Variants in DHX30 observed in about 807,000 individuals in gnomAD.
DHX30 encodes DExH-box helicase 30, also known as ATP-dependent RNA helicase DHX30.
Under a neutral mutation model 116.9 loss-of-function variants are expected in DHX30, and 4 were observed. The ratio of observed to expected loss-of-function variants is 0.03; its 90% CI spans 0.02 to 0.08. DHX30 has a LOEUF of 0.08. Ranked by LOEUF, DHX30 falls within the 10% of genes least tolerant of loss-of-function variation. DHX30 has a pLI of 1.00. For missense variants in DHX30, 871 were observed against 1,595.1 expected (o/e 0.55, Z 7.73); for synonymous variants, 697 against 651.7 (o/e 1.07, Z -1.06).
chr3:47,843,658 G>C (rs1169986306), intron 9 of DHX30, among the ~76,000 whole-genome samples: 1 of 152,190 alleles, frequency 6.6e-6, no homozygotes, highest in East Asian at 1.9e-4. Context: ...AGTGATGATT[G>C]AGGAAGCAGT....
chr3:47,849,033 C>T lies in DHX30; in HGVS notation c.2883C>T (p.Tyr961=). ...AGGACCGCAGCTCCCGGGAGAATTACCTGGAGGAAAACCTGCTGTACGCAC... is the reference window on the plus strand; with the variant it reads ...AGGACCGCAGCTCCCGGGAGAATTATCTGGAGGAAAACCTGCTGTACGCAC... The part of the protein sequence containing the change: ...RWQDRSSREN[Y]LEENLLYAPS... Residue 961 remains tyrosine (Y), a synonymous_variant, in exon 18 of 22, where the codon TAC becomes TAT. Transcript: ENST00000445061. 2 of 1,613,368 alleles carry T rather than the reference C, an allele frequency of 1.2e-6. No individual in the cohort carries two copies. Among genetic ancestry groups the T allele is most frequent in the Non-Finnish European group, 8.5e-7 (1 of 1,179,724 alleles).
At chr3:47,808,151 C>T (rs1222281444) in intron 2 of DHX30, among the ~76,000 whole-genome samples, 1 of 151,572 alleles carries the variant, frequency 6.6e-6, no homozygotes, top group Non-Finnish European at 1.5e-5. Flanking sequence ...CTCAGGTGAT[C>T]TGCTTGCCTC....
chr3:47,836,765 C>G (rs1467447938), intron 6 of DHX30, among the ~76,000 whole-genome samples: 1 of 152,182 alleles, frequency 6.6e-6, no homozygotes, highest in Non-Finnish European at 1.5e-5. Flanking sequence ...GATCTGCCTG[C>G]CTCCCAAAGT....
At chr3:47,804,047 G>A (rs1371519986) in intron 1 of DHX30, among the ~76,000 whole-genome samples, 1 of 152,198 alleles carries the variant, frequency 6.6e-6, no homozygotes, top group Non-Finnish European at 1.5e-5. Flanking sequence ...GAAATGAGAC[G>A]TTGTCTGGTG....
At chr3:47,844,600 A>T (rs1306351606) in intron 9 of DHX30, among the ~76,000 whole-genome samples, 1 of 152,250 alleles carries the variant, frequency 6.6e-6, no homozygotes, top group African/African-American at 2.4e-5. Flanking sequence ...TGATGGTGCC[A>T]GCACGCCCAG....
intron 7 of DHX30, 88 bp downstream of exon 7, chr3:47,841,266 T>C: frequency 1.3e-6 from 2 of 1,528,056 alleles, no homozygotes; most frequent in Non-Finnish European, 1.8e-6. Context: ...TTCTCTGAGA[T>C]GGGAGCGCCC....
chr3:47,815,439 T>A (rs902303770), intron 3 of DHX30, among the ~76,000 whole-genome samples: 2 of 152,134 alleles, frequency 1.3e-5, no homozygotes, highest in Non-Finnish European at 2.9e-5. Context: ...TGCTTCTTGG[T>A]ACTCTGGAGC....
intron 3 of DHX30, among the ~76,000 whole-genome samples, chr3:47,814,988 T>C (rs2035990001): frequency 6.6e-6 from 1 of 151,860 alleles, no homozygotes; most frequent in African/African-American, 2.4e-5. Flanking sequence ...CCTCCCAAAG[T>C]GTTGGGACTA....
chr3:47,833,812 C>G (rs1241911383), intron 6 of DHX30, among the ~76,000 whole-genome samples: 1 of 151,836 alleles, frequency 6.6e-6, no homozygotes, highest in African/African-American at 2.4e-5. Context: ...GAGCTGAGAT[C>G]ACGCCACTGC....
rs766335935 is a variant in DHX30, at chr3:47,849,013, C to T, written c.2863C>T (p.Arg955Cys). ...GGAGGAGGTGCTGCGTTGGCAGGAC[C>T]GCAGCTCCCGGGAGAATTACCTGGA... ...GWEEVLRWQD[R>C]SSRENYLEEN... Residue 955 changes from arginine to cysteine, a missense_variant, in exon 18 of 22, where the codon CGC becomes TGC. Arg to Cys is a radical substitution (Grantham distance 180). This residue lies in a region of DHX30 where 238 missense variants were observed against 481.0 expected (regional missense o/e 0.49). Transcript: ENST00000445061. 4.3e-6 allele frequency: 7 copies of T among 1,613,526 alleles called. No individual in the cohort carries two copies. Among genetic ancestry groups the T allele is most frequent in the South Asian group, 2.2e-5 (2 of 90,980 alleles).
intron 6 of DHX30, among the ~76,000 whole-genome samples, chr3:47,840,009 T>C (rs983641104): frequency 1.4e-4 from 21 of 151,064 alleles, no homozygotes; most frequent in African/African-American, 4.1e-4. Flanking sequence ...TTTTCTTTTT[T>C]TTTTTGAGAC....
At chr3:47,841,281 C>T in intron 7 of DHX30, 103 bp downstream of exon 7, 4 of 1,485,256 alleles carry the variant, frequency 2.7e-6, no homozygotes, top group Non-Finnish European at 3.6e-6. Context: ...GCGCCCCTGC[C>T]TCACATTTCA....
chr3:47,840,024 T>G (rs2037300825), intron 6 of DHX30, among the ~76,000 whole-genome samples: 1 of 146,104 alleles, frequency 6.8e-6, no homozygotes, highest in Admixed American at 6.9e-5. Flanking sequence ...TGAGACGGAA[T>G]CTTGCTCTGT....
chr3:47,810,611 G>A, intron 2 of DHX30, 46 bp from the exon 3 acceptor site: 2 of 1,507,254 alleles, frequency 1.3e-6, no homozygotes, highest in Non-Finnish European at 9.2e-7. Context: ...GTGGGTTGCT[G>A]GACCAGGAAT....
At chr3:47,807,998 C>T (rs1253215857) in intron 2 of DHX30, among the ~76,000 whole-genome samples, 2 of 151,970 alleles carry the variant, frequency 1.3e-5, no homozygotes, top group Non-Finnish European at 2.9e-5. Context: ...GGAACGTCCA[C>T]CTCCTGGGTT....
chr3:47,833,434 AG>A (rs1688460843), intron 6 of DHX30, among the ~76,000 whole-genome samples: 1 of 142,908 alleles, frequency 7.0e-6, no homozygotes, highest in Non-Finnish European at 1.5e-5. Context: ...TGGGAGGCTG[AG>A]GTGGGAGGAT....
intron 5 of DHX30, among the ~76,000 whole-genome samples, chr3:47,828,499 C>T (rs569663211): frequency 2.0e-5 from 3 of 147,232 alleles, no homozygotes; most frequent in African/African-American, 7.5e-5. Flanking sequence ...AGGCTGGGCG[C>T]GGTGGCTCAT....
At chr3:47,811,232 G>A (rs1413008064) in intron 3 of DHX30, among the ~76,000 whole-genome samples, 2 of 152,090 alleles carry the variant, frequency 1.3e-5, no homozygotes, top group Non-Finnish European at 2.9e-5. Context: ...GGGATTACAG[G>A]TGTGAGCCAC....
In DHX30 at chr3:47,848,992, G is replaced by A. The variant is rs776222858; in HGVS notation, c.2842G>A (p.Glu948Lys). Reference protein sequence around the residue: ...AFVRAVAGWEEVLRWQDRSSR... With the variant: ...AFVRAVAGWEKVLRWQDRSSR... ...TGTGCGGGCTGTCGCCGGCTGGGAG[G>A]AGGTGCTGCGTTGGCAGGACCGCAG... Residue 948 changes from glutamate (E) to lysine (K), a missense_variant, in exon 18 of 22, where the codon GAG becomes AAG. By Grantham distance (56) the Glu-to-Lys change is moderately conservative. Coordinates refer to ENST00000445061, the MANE Select transcript of DHX30 (RefSeq NM_138615.3). The surrounding 1 kb of genome is among the most constrained non-coding windows in gnomAD (Gnocchi z 9.4). 38 of 1,613,504 alleles carry A rather than the reference G, an allele frequency of 2.4e-5. 1 individual carries two copies. In the East Asian group the frequency reaches 7.6e-4, roughly 32 times the overall value.
Sources: allele counts gnomAD v4.1 joint callset (sites outside exome capture counted in the v4.1 genomes callset), GRCh38; gene constraint gnomAD v4.1.1; regional missense constraint gnomAD v4.1.1; non-coding constraint Gnocchi (gnomAD v3.1); transcripts MANE v1.5; gene names NCBI Gene and HGNC (gene_info 2026-07-23, HGNC 2026-07-21).